The following ECM2 variants were observed in gnomAD, a reference collection of about 807,000 sequenced individuals.
ECM2 encodes the protein extracellular matrix protein 2, female organ and adipocyte specific.
In ECM2, 57 loss-of-function variants were observed where a neutral mutation model predicts 67.5. The ratio of observed to expected loss-of-function variants is 0.84; its 90% CI spans 0.68 to 1.05. The LOEUF is 1.05. Ranked by LOEUF, ECM2 falls within the 50% of genes least tolerant of loss-of-function variation. The pLI, the probability that ECM2 is intolerant of heterozygous loss-of-function variation, is 0.00. For synonymous variants in ECM2, 258 were observed against 294.5 expected (o/e 0.88, Z 1.27); for missense variants, 741 against 822.8 (o/e 0.90, Z 1.22).
Position 92,517,770 on chromosome 9 carries a change from C to A in ECM2, c.398G>T (p.Cys133Phe), listed in dbSNP as rs1385310146. 6.2e-7 allele frequency: 1 copy of A among 1,614,080 alleles called. No homozygotes were observed. The highest frequency in any genetic ancestry group is 8.5e-7 in the Non-Finnish European group (1 of 1,180,048). ...TCLCSDGRVLCDETMCHPQRC... is the reference protein window; with the variant it reads ...TCLCSDGRVLFDETMCHPQRC... ...CTGGGGATGGCACATGGTTTCATCA[C>A]AAAGAACTCTTCCATCTGAGCAGAG... Residue 133 changes from cysteine to phenylalanine, a missense_variant, in exon 3 of 10, where the codon TGT becomes TTT. Transcript: ENST00000344604.
chr9:92,532,177 A>G (rs1021125186), intron 1 of ECM2, among the ~76,000 whole-genome samples: 7 of 150,396 alleles, frequency 4.7e-5, no homozygotes, highest in African/African-American at 1.5e-4. Flanking sequence ...TACAATTTCT[A>G]TGTCTTCTTT....
chr9:92,513,191 C>A (rs899769882), intron 4 of ECM2, among the ~76,000 whole-genome samples: 6 of 152,202 alleles, frequency 3.9e-5, no homozygotes, highest in Non-Finnish European at 8.8e-5. Context: ...ACACCTGGTC[C>A]TGCTGTTGTT....
intron 1 of ECM2, among the ~76,000 whole-genome samples, chr9:92,533,226 G>T (rs1848915427): frequency 7.1e-6 from 1 of 140,096 alleles, no homozygotes; most frequent in Admixed American, 7.2e-5. Flanking sequence ...CTTGAACCCG[G>T]GAGGTGGAGG....
intron 6 of ECM2, 88 bp from the exon 7 acceptor site, chr9:92,505,778 C>G: frequency 9.0e-7 from 1 of 1,111,938 alleles, no homozygotes; most frequent in East Asian, 2.6e-5. Flanking sequence ...GTGAAATGGC[C>G]GGTTTATTTG....
At chr9:92,543,572 G>T in the ECM2 span, among the ~76,000 whole-genome samples, 1 of 142,794 alleles carries the variant, frequency 7.0e-6, no homozygotes, top group Non-Finnish European at 1.5e-5. Flanking sequence ...TTTCTGTTAA[G>T]AATGACATTG....
At chr9:92,539,948 A>G (rs1207138627), upstream of ECM2, among the ~76,000 whole-genome samples, 2 of 152,184 alleles carry the variant, frequency 1.3e-5, no homozygotes, top group Non-Finnish European at 2.9e-5. Flanking sequence ...CAAAAAGGTT[A>G]TAGTAAATAA....
At chr9:92,513,071 T>C (rs1169313349) in intron 4 of ECM2, among the ~76,000 whole-genome samples, 2 of 152,176 alleles carry the variant, frequency 1.3e-5, no homozygotes, top group Non-Finnish European at 2.9e-5. Context: ...CCTTTTCAGC[T>C]TCCCTCACCC....
At chr9:92,533,328 A>AATATATATATATATATATATAT (rs202147064) in intron 1 of ECM2, among the ~76,000 whole-genome samples, 1 of 38,326 alleles carries the variant, frequency 2.6e-5, no homozygotes, top group African/African-American at 1.5e-4. Flanking sequence ...AAAAAAAAAA[A>AATATATATATATATATATATAT]ATATATATAT....
At chr9:92,509,534 G>A (rs933545964) in intron 6 of ECM2, among the ~76,000 whole-genome samples, 3 of 152,298 alleles carry the variant, frequency 2.0e-5, no homozygotes, top group Admixed American at 1.3e-4. Context: ...CTGGTTAGTC[G>A]CTACAAAGAA....
rs1209577485 is a variant in ECM2 at position 92,509,987 on chromosome 9, T to G, written c.1218A>C (p.Ile406=). The change falls in exon 6 of 10, where the codon ATA becomes ATC. Residue 406 remains isoleucine (I), a synonymous_variant. Transcript: ENST00000344604. ...MRLNMDGNNL[I]QIPSQLPSTL... is the part of the protein sequence containing the mutation. ...TAGATGGCAATTGTGAAGGAATCTG[T>G]ATCAAATTATTTCCATCCATATTCA... 3 of 1,609,824 alleles carry G rather than the reference T, an allele frequency of 1.9e-6. No homozygotes were observed. Among genetic ancestry groups the G allele is most frequent in the East Asian group, 4.5e-5 (2 of 44,834 alleles).
intron 6 of ECM2, among the ~76,000 whole-genome samples, chr9:92,506,438 T>C (rs2131172559): frequency 6.6e-6 from 1 of 152,276 alleles, no homozygotes; most frequent in Non-Finnish European, 1.5e-5. Flanking sequence ...CCAGGTCAAA[T>C]GGAAGTTCTG....
intron 1 of ECM2, among the ~76,000 whole-genome samples, chr9:92,525,588 G>A (rs1398715898): frequency 6.6e-6 from 1 of 152,176 alleles, no homozygotes; most frequent in East Asian, 1.9e-4. Flanking sequence ...TGCACTTCCA[G>A]TCATATAAAA....
At chr9:92,506,737 T>A (rs1056513860) in intron 6 of ECM2, among the ~76,000 whole-genome samples, 1 of 151,794 alleles carries the variant, frequency 6.6e-6, no homozygotes, top group African/African-American at 2.4e-5. Context: ...TAGATAGAAG[T>A]AGGAGGAACT....
chr9:92,536,260 AAC>A (rs1290287207), upstream of ECM2, among the ~76,000 whole-genome samples: 28 of 152,274 alleles, frequency 1.8e-4, no homozygotes, highest in African/African-American at 4.6e-4. Context: ...CAGAGTTGGA[AAC>A]ACAAAAATGA....
intron 9 of ECM2, among the ~76,000 whole-genome samples, chr9:92,498,232 T>C (rs1413477394): frequency 6.6e-6 from 1 of 152,054 alleles, no homozygotes; most frequent in East Asian, 1.9e-4. Flanking sequence ...CAAAAATAAA[T>C]ACTGGAAGGA....
chr9:92,538,559 A>G (rs1849243585), upstream of ECM2, among the ~76,000 whole-genome samples: 1 of 152,248 alleles, frequency 6.6e-6, no homozygotes, highest in Non-Finnish European at 1.5e-5. Context: ...AATTACCACG[A>G]TGAGATTGAG....
intron 1 of ECM2, among the ~76,000 whole-genome samples, chr9:92,532,494 C>T (rs757854351): frequency 1.1e-4 from 17 of 152,016 alleles, no homozygotes; most frequent in Non-Finnish European, 2.2e-4. Context: ...CTCATTGTGT[C>T]TTTAATGTCA....
the ECM2 span, among the ~76,000 whole-genome samples, chr9:92,552,089 GAT>G: frequency 7.3e-6 from 1 of 136,486 alleles, no homozygotes; most frequent in African/African-American, 2.8e-5. Context: ...TCATATATGT[GAT>G]ATGATAGATC....
chr9:92,517,349 T>A, intron 3 of ECM2: 1 of 459,880 alleles, frequency 2.2e-6, no homozygotes, highest in Non-Finnish European at 3.9e-6. Flanking sequence ...ATAATGCACA[T>A]ATAGACCAAA....
Sources: allele counts gnomAD v4.1 joint callset (sites outside exome capture counted in the v4.1 genomes callset), GRCh38; gene constraint gnomAD v4.1.1; transcripts MANE v1.5; gene names NCBI Gene and HGNC (gene_info 2026-07-23, HGNC 2026-07-21).